CORO2B: variants seen among roughly 807,000 people sequenced by gnomAD.
CORO2B encodes the protein coronin 2B.
CORO2B carries 26 observed loss-of-function variants against 58.8 expected under a neutral mutation model. The ratio of observed to expected loss-of-function variants is 0.44; its 90% CI spans 0.32 to 0.61. The LOEUF (loss-of-function observed/expected upper bound fraction) is 0.61. Ranked by LOEUF, CORO2B falls within the 20% of genes least tolerant of loss-of-function variation. CORO2B has a pLI of 0.04. For synonymous variants in CORO2B, 242 were observed against 253.8 expected (o/e 0.95, Z 0.44); for missense variants, 460 against 645.1 (o/e 0.71, Z 3.11).
chr15:68,559,638 T>C, the CORO2B span: 1 of 985,310 alleles, frequency 1.0e-6, no homozygotes, highest in Non-Finnish European at 1.2e-6. This position sits in a 1 kb window ranked among gnomAD's most constrained non-coding sequence, Gnocchi z 4.3. Context: ...GACTTTTTCT[T>C]TCCCTAACCC....
At chr15:68,583,765 C>T (rs1180797534) in intron 1 of CORO2B, among the ~76,000 whole-genome samples, 1 of 152,218 alleles carries the variant, frequency 6.6e-6, no homozygotes, top group Non-Finnish European at 1.5e-5. Context: ...CCCAGCACCT[C>T]GTTCCTGTCT....
chr15:68,590,312 G>A (rs1899669904), intron 1 of CORO2B, among the ~76,000 whole-genome samples: 1 of 152,050 alleles, frequency 6.6e-6, no homozygotes, highest in Admixed American at 6.6e-5. Flanking sequence ...TTTGCTTTTT[G>A]AAGAGCCCTG....
chr15:68,544,780 T>TA, the CORO2B span, among the ~76,000 whole-genome samples: 4 of 151,370 alleles, frequency 2.6e-5, no homozygotes, highest in African/African-American at 4.9e-5. Context: ...ACATTCTTTT[T>TA]TTTTTTTTTT....
At chr15:68,656,927 T>C (rs1036356597) in intron 2 of CORO2B, among the ~76,000 whole-genome samples, 1 of 152,196 alleles carries the variant, frequency 6.6e-6, no homozygotes, top group African/African-American at 2.4e-5. Flanking sequence ...TCTGCTGGTG[T>C]GATCCTGGCT....
chr15:68,531,272 G>C, the CORO2B span, among the ~76,000 whole-genome samples: 14 of 152,062 alleles, frequency 9.2e-5, no homozygotes, highest in Non-Finnish European at 1.9e-4. Context: ...CCTGAGGTCA[G>C]GAGTCTGAGA....
intron 3 of CORO2B, among the ~76,000 whole-genome samples, chr15:68,701,478 ATTTTTTTTT>A (rs71145193): frequency 9.3e-4 from 36 of 38,848 alleles, no homozygotes; most frequent in Admixed American, 6.3e-3. Flanking sequence ...CGCCCGGCTA[ATTTTTTTTT>A]TTTTTTTTTT....
intron 2 of CORO2B, among the ~76,000 whole-genome samples, chr15:68,684,914 A>G (rs949179231): frequency 6.6e-6 from 1 of 152,198 alleles, no homozygotes; most frequent in Non-Finnish European, 1.5e-5. Context: ...CTCTTTTAAT[A>G]TCAACTTCCA....
the CORO2B span, among the ~76,000 whole-genome samples, chr15:68,570,284 G>T: frequency 6.6e-6 from 1 of 152,210 alleles, no homozygotes. Flanking sequence ...AGCAAGGGAG[G>T]CTCTGCATAT....
At position 68,715,226 on chromosome 15, in the gene CORO2B, C is replaced by T; in HGVS notation, c.882C>T (p.Asn294=). 6.2e-7 allele frequency: 1 copy of T among 1,614,034 alleles called. No homozygotes were observed. Among genetic ancestry groups the T allele is most frequent in the Non-Finnish European group, 8.5e-7 (1 of 1,179,966 alleles). ...TCTCCTGACCCCAGGGTGATGGAAA[C>T]ATCCGGTACTACGAGATCAGCACTG... ...MLYLAGKGDG[N]IRYYEISTEK... Residue 294 remains asparagine, a synonymous_variant, in exon 8 of 12, where the codon AAC becomes AAT. Coordinates refer to ENST00000261861, the MANE Select transcript of CORO2B (RefSeq NM_006091.5).
intron 1 of CORO2B, among the ~76,000 whole-genome samples, chr15:68,608,500 T>C (rs1595965550): frequency 6.6e-6 from 1 of 152,166 alleles, no homozygotes; most frequent in African/African-American, 2.4e-5. Flanking sequence ...ATCCACTTCC[T>C]GGTATTGCTC....
chr15:68,662,022 A>AAATT (rs529126150), intron 2 of CORO2B, among the ~76,000 whole-genome samples: 1 of 147,916 alleles, frequency 6.8e-6, no homozygotes, highest in African/African-American at 2.6e-5. Flanking sequence ...ATAAATAAAT[A>AAATT]AATAAATTAA....
Position 68,623,843 on chromosome 15 carries a change from A to G in CORO2B, c.16-21317A>G, listed in dbSNP as rs541201642. On this transcript the variant is annotated intron_variant, in intron 1 of 11. Coordinates refer to ENST00000261861, the MANE Select transcript of CORO2B (RefSeq NM_006091.5). Reference sequence around the variant, plus strand: ...GTGTTTGAGCAGCCCCAGCCCCTCCATTGTCGACACCACGGATTACAGCAG... The same window carrying G: ...GTGTTTGAGCAGCCCCAGCCCCTCCGTTGTCGACACCACGGATTACAGCAG... Among the ~76,000 whole-genome samples, 4 of 152,230 alleles carry G rather than the reference A, an allele frequency of 2.6e-5. No homozygotes were observed. The East Asian group carries it at 7.7e-4, about 29-fold the overall frequency.
intron 11 of CORO2B, among the ~76,000 whole-genome samples, chr15:68,721,760 G>T (rs201554648): frequency 0.24 from 26,475 of 108,956 alleles, 2,857 homozygotes; most frequent in Non-Finnish European, 0.33. Flanking sequence ...ATTTATTTAT[G>T]TTTTAGAGAC....
chr15:68,555,642 C>T, the CORO2B span, among the ~76,000 whole-genome samples: 7 of 152,222 alleles, frequency 4.6e-5, no homozygotes, highest in Non-Finnish European at 7.3e-5. Flanking sequence ...AGGAGATTTC[C>T]GTTTCTGCAT....
At chr15:68,680,209 G>A (rs2140301744) in intron 2 of CORO2B, among the ~76,000 whole-genome samples, 1 of 152,326 alleles carries the variant, frequency 6.6e-6, no homozygotes, top group South Asian at 2.1e-4. Flanking sequence ...CTGGCAGCAT[G>A]TGGCTGGGGG....
intron 2 of CORO2B, among the ~76,000 whole-genome samples, chr15:68,686,569 G>A (rs1902985957): frequency 6.6e-6 from 1 of 152,104 alleles, no homozygotes; most frequent in African/African-American, 2.4e-5. Flanking sequence ...AACCTTATAG[G>A]GTTGTTACAA....
chr15:68,549,022 T>A, the CORO2B span, among the ~76,000 whole-genome samples: 1 of 152,162 alleles, frequency 6.6e-6, no homozygotes, highest in Non-Finnish European at 1.5e-5. Context: ...AAATTCTTTC[T>A]CCTCTTTCCC....
chr15:68,717,255 G>A (rs929227393), intron 8 of CORO2B, among the ~76,000 whole-genome samples: 10 of 151,532 alleles, frequency 6.6e-5, no homozygotes, highest in South Asian at 4.2e-4. Context: ...CAGAGGTTGC[G>A]GTGAGCTAAG....
At chr15:68,656,168 GTC>G (rs1491428144) in intron 2 of CORO2B, among the ~76,000 whole-genome samples, 6 of 74,974 alleles carry the variant, frequency 8.0e-5, no homozygotes, top group African/African-American at 1.3e-4. Context: ...CCCTCGCACC[GTC>G]CCCCCCGCCC....
Sources: gnomAD v4.1 joint callset for allele counts (sites outside exome capture counted in the v4.1 genomes callset) on GRCh38, gnomAD v4.1.1 for gene constraint, Gnocchi (gnomAD v3.1) non-coding constraint, MANE v1.5 for transcripts, NCBI Gene and HGNC (gene_info 2026-07-23, HGNC 2026-07-21) for gene names.